The following PALLD variants were observed in gnomAD, a reference collection of about 807,000 sequenced individuals.
The protein encoded by PALLD is palladin.
A neutral mutation model predicts 123.5 loss-of-function variants in PALLD; 61 were observed. That is an observed-to-expected ratio of 0.49 (90% CI 0.40 to 0.61). The LOEUF (loss-of-function observed/expected upper bound fraction) is 0.61, where lower values mean the gene tolerates loss of function less well. Among genes scored for constraint, PALLD ranks in the 20% least tolerant of loss-of-function variants. The pLI is 0.00. For synonymous variants in PALLD, 465 were observed against 496.4 expected (o/e 0.94, Z 0.84); for missense variants, 1,273 against 1,377.0 (o/e 0.92, Z 1.20).
At chr4:168,736,302 AG>A (rs1273849201) in intron 10 of PALLD, among the ~76,000 whole-genome samples, 1 of 152,160 alleles carries the variant, frequency 6.6e-6, no homozygotes, top group Non-Finnish European at 1.5e-5. Context: ...ACACACACAC[AG>A]TGTGTATGTA....
chr4:168,705,171 T>C (rs545035075), intron 8 of PALLD, among the ~76,000 whole-genome samples: 3 of 152,326 alleles, frequency 2.0e-5, no homozygotes, highest in South Asian at 4.1e-4. Context: ...CATTGTCATG[T>C]GGGCATTAAG....
intron 2 of PALLD, among the ~76,000 whole-genome samples, chr4:168,566,500 G>A (rs1768401862): frequency 6.6e-6 from 1 of 151,942 alleles, no homozygotes; most frequent in Admixed American, 6.6e-5. Context: ...GTCTCCCTAT[G>A]CTGCCCAGGC....
intron 2 of PALLD, among the ~76,000 whole-genome samples, chr4:168,550,564 T>C (rs1224398515): frequency 7.1e-6 from 1 of 140,186 alleles, no homozygotes; most frequent in African/African-American, 2.5e-5. Flanking sequence ...GAGATATTTA[T>C]GAGCTTCTAA....
At chr4:168,808,244 G>T (rs1740525271) in intron 10 of PALLD, among the ~76,000 whole-genome samples, 1 of 151,816 alleles carries the variant, frequency 6.6e-6, no homozygotes, top group East Asian at 2.0e-4. Context: ...AATTTGGGAG[G>T]CTGAGGTGGG....
At position 168,774,186 on chromosome 4, in the gene PALLD, T is replaced by C. The variant is rs527790291; in HGVS notation, c.1964+62263T>C. 4.6e-5 allele frequency among the ~76,000 whole-genome samples: 7 copies of C among 151,328 alleles called. No individual in the cohort carries two copies. The East Asian group carries it at 1.4e-3, about 29-fold the overall frequency. On this transcript the variant is annotated intron_variant, in intron 10 of 21. Transcript: ENST00000505667. The stretch of plus-strand genomic sequence containing the variant: ...TTGTATATATAATGAATGAAAGAAA[T>C]AGAACTTTCTCCTTGTACTTGCCTC...
chr4:168,737,767 GAA>G (rs1316759696), intron 10 of PALLD, among the ~76,000 whole-genome samples: 5 of 152,324 alleles, frequency 3.3e-5, no homozygotes, highest in Admixed American at 1.3e-4. Flanking sequence ...GGTCAAGTAA[GAA>G]AGAGAAGAAA....
chr4:168,619,318 A>G lies in PALLD; in HGVS notation c.909-48872A>G, dbSNP rs535832036. Among the ~76,000 whole-genome samples the G allele has an allele frequency of 2.8e-4, 42 of 152,376 alleles. No individual in the cohort carries two copies. In the South Asian group the frequency reaches 7.7e-3, roughly 28 times the overall value. On this transcript the variant is annotated intron_variant, in intron 2 of 21. Coordinates refer to ENST00000505667, the MANE Select transcript of PALLD (RefSeq NM_001166108.2). ...ATGGATTAGGAGCTGAATGAAACCC[A>G]GTGGGCTGGAATGTGGAAGGGAGCT...
intron 10 of PALLD, among the ~76,000 whole-genome samples, chr4:168,890,218 A>G (rs955839363): frequency 2.0e-5 from 3 of 152,182 alleles, no homozygotes; most frequent in African/African-American, 7.2e-5. Flanking sequence ...CTTTGGAAGG[A>G]AAGAGGCAGT....
At chr4:168,531,029 A>G (rs927011385) in intron 2 of PALLD, among the ~76,000 whole-genome samples, 14 of 152,232 alleles carry the variant, frequency 9.2e-5, no homozygotes, top group Non-Finnish European at 2.9e-5. Flanking sequence ...CAAATTACAG[A>G]GCATATTTTT....
intron 2 of PALLD, among the ~76,000 whole-genome samples, chr4:168,666,115 T>C (rs1389383656): frequency 1.3e-5 from 2 of 152,340 alleles, no homozygotes; most frequent in South Asian, 2.1e-4. Flanking sequence ...AAACAGGCAG[T>C]AGGCTTGCAG....
At chr4:168,824,817 C>CTT (rs148235431) in intron 10 of PALLD, among the ~76,000 whole-genome samples, 107 of 97,846 alleles carry the variant, frequency 1.1e-3, no homozygotes, top group East Asian at 2.9e-3. Flanking sequence ...CAGATAAATT[C>CTT]TTTTTTTTTT....
In PALLD at chr4:168,499,180, C is replaced by CAA. The variant is rs1157137965; in HGVS notation, c.-83+2011_-83+2012dup. Among the ~76,000 whole-genome samples the CAA allele has an allele frequency of 6.4e-3, 104 of 16,374 alleles. 9 individuals are homozygous for CAA. The highest frequency in any genetic ancestry group is 0.011 in the African/African-American group (43 of 3,924). The allele number at this position is 16,374 out of a possible 152,430, so 10.7% of individuals were successfully genotyped here. ...TTTTGCCCTAAAGGACCCTTTGTAG[C>CAA]AAAAAAAAAAAAAAAAAAAAAAAAA... is the stretch of plus-strand genomic sequence containing the variant. On this transcript the variant is annotated intron_variant, in intron 1 of 21. Transcript: ENST00000505667.
chr4:168,729,207 A>G (rs1386647329), intron 10 of PALLD, among the ~76,000 whole-genome samples: 5 of 152,156 alleles, frequency 3.3e-5, no homozygotes, highest in Non-Finnish European at 7.3e-5. Context: ...GCTAGGTACT[A>G]CATCATGGGC....
At chr4:168,544,367 G>A (rs1437257623) in intron 2 of PALLD, among the ~76,000 whole-genome samples, 1 of 152,238 alleles carries the variant, frequency 6.6e-6, no homozygotes, top group Non-Finnish European at 1.5e-5. Context: ...GTCTTGCCTT[G>A]AGTAGTATAA....
At chr4:168,905,408 A>G (rs1757509411) in intron 15 of PALLD, among the ~76,000 whole-genome samples, 1 of 151,650 alleles carries the variant, frequency 6.6e-6, no homozygotes. Context: ...TCGGCCTCCC[A>G]AAGTGTTAGC....
chr4:168,882,981 T>G (rs1752821597), intron 10 of PALLD, among the ~76,000 whole-genome samples: 1 of 151,990 alleles, frequency 6.6e-6, no homozygotes, highest in African/African-American at 2.4e-5. Flanking sequence ...TCCCAGCTAC[T>G]TGGGAGGGCT....
chr4:168,580,239 G>GGTGT lies in PALLD; in HGVS notation c.908+67854_908+67857dup, dbSNP rs59142111. ...TAAAGACTGAATATTATTTCACTGT[G>GGTGT]GTGTGTGTGTGTGTGTGTGTGTGTG... On this transcript the variant is annotated intron_variant, in intron 2 of 21. Coordinates refer to ENST00000505667, the MANE Select transcript of PALLD (RefSeq NM_001166108.2). Among the ~76,000 whole-genome samples, 507 of 147,476 alleles carry GGTGT rather than the reference G, an allele frequency of 3.4e-3. 8 individuals are homozygous for GGTGT. The highest frequency in any genetic ancestry group is 0.016 in the South Asian group (72 of 4,610).
At chr4:168,530,585 T>C (rs1166662985) in intron 2 of PALLD, 2 of 152,244 alleles carry the variant, frequency 1.3e-5, no homozygotes, top group Non-Finnish European at 2.9e-5. Flanking sequence ...TTGCTGCACA[T>C]GCTGCTTCTG....
chr4:168,555,515 C>T (rs1767190015), intron 2 of PALLD, among the ~76,000 whole-genome samples: 1 of 152,184 alleles, frequency 6.6e-6, no homozygotes, highest in African/African-American at 2.4e-5. Flanking sequence ...TCCCTGGGTT[C>T]TATCCAGAGC....
Sources: gnomAD v4.1 joint callset for allele counts (sites outside exome capture counted in the v4.1 genomes callset) on GRCh38, gnomAD v4.1.1 for gene constraint, MANE v1.5 for transcripts, NCBI Gene and HGNC (gene_info 2026-07-23, HGNC 2026-07-21) for gene names.